RBM47: variants seen among roughly 807,000 people sequenced by gnomAD.
The protein encoded by RBM47 is RNA binding motif protein 47.
In RBM47, 21 loss-of-function variants were observed where a neutral mutation model predicts 47.1. The ratio of observed to expected loss-of-function variants is 0.45; its 90% CI spans 0.32 to 0.64. RBM47 has a LOEUF of 0.64. Among genes scored for constraint, RBM47 ranks in the 30% least tolerant of loss-of-function variants. The pLI, the probability that RBM47 is intolerant of heterozygous loss-of-function variation, is 0.05. For missense variants in RBM47, 708 were observed against 870.9 expected (o/e 0.81, Z 2.35); for synonymous variants, 375 against 361.7 (o/e 1.04, Z -0.42).
rs1000536308 is a variant in RBM47, at chr4:40,590,560, A to G, written c.-240+38836T>C. 2.9e-4 allele frequency among the ~76,000 whole-genome samples: 44 copies of G among 152,194 alleles called. 1 individual carries two copies. Among genetic ancestry groups the G allele is most frequent in the Admixed American group, 2.8e-3 (43 of 15,270 alleles). ...GACACATTGCCTCACCTGGTGAATG[A>G]CATTGTGAATAAGAGATCAGCTTTT... On this transcript the variant is annotated intron_variant, in intron 1 of 6. Transcript: ENST00000295971.
intron 2 of RBM47, among the ~76,000 whole-genome samples, chr4:40,504,698 A>G (rs765325084): frequency 3.9e-5 from 6 of 152,184 alleles, no homozygotes; most frequent in Non-Finnish European, 8.8e-5. Context: ...CTCAGCTTCT[A>G]TGATAAGGCC....
Position 40,592,314 on chromosome 4 carries a change from G to A in RBM47, c.-240+37082C>T, listed in dbSNP as rs146374682. Among the ~76,000 whole-genome samples the A allele has an allele frequency of 6.0e-3, 911 of 150,992 alleles. 7 individuals are homozygous for A. Among genetic ancestry groups the A allele is most frequent in the Middle Eastern group, 0.024 (7 of 294 alleles). ...GGGTCGCTCAGGCTAGAGTGCAGTGGTGCAATCACAGCTCACTGCAGCCTC... is the reference window on the plus strand; with the variant it reads ...GGGTCGCTCAGGCTAGAGTGCAGTGATGCAATCACAGCTCACTGCAGCCTC... On this transcript the variant is annotated intron_variant, in intron 1 of 6. Transcript: ENST00000295971.
chr4:40,593,555 G>A (rs894598451), intron 1 of RBM47, among the ~76,000 whole-genome samples: 5 of 151,994 alleles, frequency 3.3e-5, no homozygotes, highest in Non-Finnish European at 2.9e-5. Context: ...GACCAACATG[G>A]TGAAAGCCCA....
At chr4:40,620,897 G>T (rs1173006062) in intron 1 of RBM47, among the ~76,000 whole-genome samples, 1 of 151,820 alleles carries the variant, frequency 6.6e-6, no homozygotes, top group Admixed American at 6.6e-5. Context: ...TTTGCAGAAA[G>T]AACTATGAAC....
At chr4:40,589,002 T>C (rs1026458300) in intron 1 of RBM47, among the ~76,000 whole-genome samples, 4 of 140,548 alleles carry the variant, frequency 2.8e-5, no homozygotes, top group Non-Finnish European at 6.1e-5. Context: ...CTTTTTTTTT[T>C]TTTTTTTTTT....
chr4:40,506,674 T>C (rs182094388), intron 2 of RBM47, among the ~76,000 whole-genome samples: 108 of 152,292 alleles, frequency 7.1e-4, no homozygotes, highest in African/African-American at 2.6e-3. Flanking sequence ...TCAGTGTCTC[T>C]GAGACCATCC....
intron 1 of RBM47, among the ~76,000 whole-genome samples, chr4:40,624,854 CTTTTTCTTTTT>C (rs1332583595): frequency 7.2e-6 from 1 of 139,100 alleles, no homozygotes; most frequent in African/African-American, 2.6e-5. Context: ...CTTTTCTTTT[CTTTTTCTTTTT>C]TTTTTTTTTT....
chr4:40,437,090 A>AAATATATATATATAT (rs1256296949), intron 4 of RBM47, among the ~76,000 whole-genome samples: 1 of 49,852 alleles, frequency 2.0e-5, no homozygotes, highest in African/African-American at 1.1e-4. Context: ...AAAAAAAAAA[A>AAATATATATATATAT]ATATATATAT....
At chr4:40,529,937 T>C (rs1727220349) in intron 2 of RBM47, among the ~76,000 whole-genome samples, 1 of 136,604 alleles carries the variant, frequency 7.3e-6, no homozygotes, top group Non-Finnish European at 1.6e-5. Flanking sequence ...CCCCCTTTTT[T>C]TTTTTTTTTT....
rs563673767 is a variant in RBM47, at chr4:40,577,642, A to T, written c.-239-33136T>A. Among the ~76,000 whole-genome samples, 21 of 74,016 alleles carry T rather than the reference A, an allele frequency of 2.8e-4. No homozygotes were observed. In the South Asian group the frequency reaches 0.012, roughly 41 times the overall value. 48.6% of individuals were successfully genotyped at this position (74,016 alleles called of 152,430 possible). On this transcript the variant is annotated intron_variant, in intron 1 of 6. Transcript: ENST00000295971. Reference sequence around the variant, plus strand: ...CTGATCCTCCCTTATGGTATCTCATACTTAAAAAAAAAAAAAGTCTGGGAT... The same window carrying T: ...CTGATCCTCCCTTATGGTATCTCATTCTTAAAAAAAAAAAAAGTCTGGGAT...
intron 1 of RBM47, among the ~76,000 whole-genome samples, chr4:40,574,399 GAAGA>G (rs985019687): frequency 5.3e-5 from 8 of 152,174 alleles, no homozygotes; most frequent in Non-Finnish European, 7.4e-5. Flanking sequence ...TGAAAAGTTA[GAAGA>G]AAGAATTTCC....
At chr4:40,560,495 G>T (rs936386078) in intron 1 of RBM47, among the ~76,000 whole-genome samples, 1 of 152,174 alleles carries the variant, frequency 6.6e-6, no homozygotes, top group East Asian at 1.9e-4. Flanking sequence ...ATTGAATGAG[G>T]ACACCTCGGC....
At chr4:40,580,150 G>C (rs1055361722) in intron 1 of RBM47, among the ~76,000 whole-genome samples, 1 of 151,876 alleles carries the variant, frequency 6.6e-6, no homozygotes, top group African/African-American at 2.4e-5. Flanking sequence ...TCCTTCAGTT[G>C]AACTTGGTTT....
At chr4:40,467,831 C>T (rs1179005493) in intron 2 of RBM47, among the ~76,000 whole-genome samples, 2 of 151,996 alleles carry the variant, frequency 1.3e-5, no homozygotes, top group Non-Finnish European at 2.9e-5. Flanking sequence ...ACAGAGAGCC[C>T]CCATCAAGCC....
At chr4:40,609,136 G>A (rs1736024056) in intron 1 of RBM47, among the ~76,000 whole-genome samples, 1 of 151,962 alleles carries the variant, frequency 6.6e-6, no homozygotes, top group African/African-American at 2.4e-5. Flanking sequence ...GGGATTATAG[G>A]TGCCCACCAC....
chr4:40,437,117 CAT>C (rs767630676), intron 4 of RBM47, among the ~76,000 whole-genome samples: 4,693 of 52,674 alleles, frequency 0.089, 786 homozygotes, highest in African/African-American at 0.18. Flanking sequence ...ATATAAAATA[CAT>C]ATATATATAT....
intron 3 of RBM47, among the ~76,000 whole-genome samples, chr4:40,456,571 C>CTTTTTTTTTTTTTTTTTTTT (rs34320480): frequency 8.9e-6 from 1 of 112,578 alleles, no homozygotes; most frequent in Admixed American, 1.1e-4. Flanking sequence ...TTTCTTTTTT[C>CTTTTTTTTTTTTTTTTTTTT]TTTTTTTTTT....
At chr4:40,476,632 T>C (rs1719649690) in intron 2 of RBM47, among the ~76,000 whole-genome samples, 1 of 152,082 alleles carries the variant, frequency 6.6e-6, no homozygotes, top group Non-Finnish European at 1.5e-5. Flanking sequence ...CAGGCAGTTA[T>C]GGGATGGAAC....
At chr4:40,512,675 A>C (rs1383620546) in intron 2 of RBM47, among the ~76,000 whole-genome samples, 1 of 150,152 alleles carries the variant, frequency 6.7e-6, no homozygotes, top group Non-Finnish European at 1.5e-5. Context: ...AGATTGTGCC[A>C]CTGCACTCCA....
Sources: allele counts gnomAD v4.1 joint callset (sites outside exome capture counted in the v4.1 genomes callset), GRCh38; gene constraint gnomAD v4.1.1; transcripts MANE v1.5; gene names NCBI Gene and HGNC (gene_info 2026-07-23, HGNC 2026-07-21).